Variants in NFYB observed in about 807,000 individuals in gnomAD.
NFYB encodes the protein nuclear transcription factor Y subunit beta.
NFYB carries 13 observed loss-of-function variants against 28.0 expected under a neutral mutation model. The observed-to-expected ratio is 0.46, with a 90% CI of 0.30 to 0.74. The LOEUF is 0.74. Ranked by LOEUF, NFYB falls within the 30% of genes least tolerant of loss-of-function variation. NFYB has a pLI of 0.07. For missense variants in NFYB, 142 were observed against 247.6 expected (o/e 0.57, Z 2.86); for synonymous variants, 74 against 75.0 (o/e 0.99, Z 0.07).
chr12:104,128,049 A>G (rs754479499), intron 3 of NFYB, among the ~76,000 whole-genome samples: 24 of 152,204 alleles, frequency 1.6e-4, no homozygotes, highest in Non-Finnish European at 2.5e-4. Flanking sequence ...AAAATAAATC[A>G]TAAGTGCAAG....
rs2136660431 is a variant in NFYB, at chr12:104,127,707, C to T, written c.100+717G>A. On this transcript the variant is annotated intron_variant, in intron 3 of 7. Coordinates refer to ENST00000240055, the MANE Select transcript of NFYB (RefSeq NM_006166.4). ...TTTGGAGACAGGGTCTCACTTTGCACTTTGTCACCCAGGCTGGAGTGTGCA... is the reference window on the plus strand; with the variant it reads ...TTTGGAGACAGGGTCTCACTTTGCATTTTGTCACCCAGGCTGGAGTGTGCA... 1.7e-5 allele frequency among the ~76,000 whole-genome samples: 2 copies of T among 118,812 alleles called. 1 individual carries two copies. The allele number at this position is 118,812 out of a possible 152,430, so 77.9% of individuals were successfully genotyped here.
At position 104,118,961 on chromosome 12, in the gene NFYB, T is replaced by C. The variant is rs1305632287; in HGVS notation, c.*776A>G. 1 of 152,190 alleles carries C rather than the reference T, an allele frequency of 6.6e-6. No homozygotes were observed. Among genetic ancestry groups the C allele is most frequent in the Non-Finnish European group, 1.5e-5 (1 of 68,028 alleles). The allele number at this position is 152,190 out of a possible 1,614,324, so 9.4% of individuals were successfully genotyped here. A position where few individuals can be genotyped will look rare whatever the true frequency, so the allele number is the denominator to read the frequency against. ...CATGTACCAAATGAAAGGGGCACCATTTCAAGAGCACTAGGACTACATTAA... is the reference window on the plus strand; with the variant it reads ...CATGTACCAAATGAAAGGGGCACCACTTCAAGAGCACTAGGACTACATTAA... On this transcript the variant is annotated 3_prime_UTR_variant, in exon 8 of 8. Coordinates refer to ENST00000240055, the MANE Select transcript of NFYB (RefSeq NM_006166.4).
At chr12:104,128,615 T>C in intron 2 of NFYB, 98 bp from the exon 3 acceptor site, 1 of 703,972 alleles carries the variant, frequency 1.4e-6, no homozygotes, top group Non-Finnish European at 2.5e-6. Flanking sequence ...GCATCAATTA[T>C]ACTTTTCATA....
chr12:104,121,253 T>C lies in NFYB; in HGVS notation c.498A>G (p.Thr166=). Residue 166 remains threonine (T), a synonymous_variant, in exon 6 of 8, where the codon ACA becomes ACG. Coordinates refer to ENST00000240055, the MANE Select transcript of NFYB (RefSeq NM_006166.4). The part of the protein sequence containing the change: ...TATDGLSEEL[T]EEAFTNQLPA... The stretch of plus-strand genomic sequence containing the variant: ...AACAATGCTTACTAAATGCCTCCTC[T>C]GTAAGCTCTTCACTTAGTCCATCTG... 2 of 1,612,334 alleles carry C rather than the reference T, an allele frequency of 1.2e-6. No individual in the cohort carries two copies. Among genetic ancestry groups the C allele is most frequent in the Non-Finnish European group, 8.5e-7 (1 of 1,179,122 alleles).
chr12:104,137,111 T>C (rs992470894), intron 1 of NFYB, among the ~76,000 whole-genome samples: 3 of 152,210 alleles, frequency 2.0e-5, no homozygotes, highest in South Asian at 2.1e-4. Flanking sequence ...CTAAGAGAGA[T>C]GAAACCACCC....
At chr12:104,126,724 G>C (rs2030730661) in intron 3 of NFYB, among the ~76,000 whole-genome samples, 1 of 152,104 alleles carries the variant, frequency 6.6e-6, no homozygotes, top group Admixed American at 6.5e-5. Context: ...TTTATTATAC[G>C]ACTTAGCTAT....
At chr12:104,131,653 T>C in intron 2 of NFYB, 1 of 428,946 alleles carries the variant, frequency 2.3e-6, no homozygotes, top group East Asian at 7.1e-5. Context: ...CCCAAAGGTT[T>C]TTTCTAGGTC....
rs1029882098 is a variant in NFYB, at chr12:104,125,695, A to T, written c.231+419T>A. ...GAAACCCCATTTCTACCAAAAATACAAAATTAGCTGGGCATGGTGGTGCAC... is the reference window on the plus strand; with the variant it reads ...GAAACCCCATTTCTACCAAAAATACTAAATTAGCTGGGCATGGTGGTGCAC... On this transcript the variant is annotated intron_variant, in intron 4 of 7. Transcript: ENST00000240055. 2.0e-5 allele frequency among the ~76,000 whole-genome samples: 3 copies of T among 150,252 alleles called. No individual in the cohort carries two copies. The South Asian group carries it at 6.3e-4, about 32-fold the overall frequency.
In NFYB at chr12:104,123,298, G is replaced by C; in HGVS notation, c.357C>G (p.Leu119=). 1.2e-6 allele frequency: 2 copies of C among 1,614,012 alleles called. No homozygotes were observed. The highest frequency in any genetic ancestry group is 1.7e-6 in the Non-Finnish European group (2 of 1,179,954). Residue 119 remains leucine (L), a synonymous_variant, in exon 5 of 8, where the codon CTC becomes CTG. Coordinates refer to ENST00000240055, the MANE Select transcript of NFYB (RefSeq NM_006166.4). The stretch of plus-strand genomic sequence containing the variant: ...CAAAGCCTAAAGTAGACATAGCAAA[G>C]AGAATATCTTCTCCATTGATTGTTT... ...KRKTINGEDI[L]FAMSTLGFDS...
chr12:104,130,375 C>T (rs1366019985), intron 2 of NFYB, among the ~76,000 whole-genome samples: 3 of 152,108 alleles, frequency 2.0e-5, no homozygotes, highest in East Asian at 3.9e-4. Context: ...TTCAATAACA[C>T]GGCATTTCTT....
chr12:104,121,498 T>C (rs921031079), intron 5 of NFYB, among the ~76,000 whole-genome samples, 177 bp from the exon 6 acceptor site: 9 of 152,244 alleles, frequency 5.9e-5, no homozygotes, highest in African/African-American at 2.2e-4. Context: ...TAACTTTTAA[T>C]ATAAGCTGTA....
chr12:104,124,239 TTTA>T (rs1299161063), intron 4 of NFYB, among the ~76,000 whole-genome samples: 1 of 152,258 alleles, frequency 6.6e-6, no homozygotes, highest in African/African-American at 2.4e-5. Context: ...CTTTGACTTT[TTTA>T]TTATTTGGGA....
At chr12:104,133,856 G>C (rs956452029) in intron 2 of NFYB, among the ~76,000 whole-genome samples, 1 of 152,076 alleles carries the variant, frequency 6.6e-6, no homozygotes, top group African/African-American at 2.4e-5. Context: ...TAAGCATACA[G>C]AAGTACACAG....
At chr12:104,134,358 G>C (rs955627811) in intron 2 of NFYB, among the ~76,000 whole-genome samples, 5 of 152,144 alleles carry the variant, frequency 3.3e-5, no homozygotes, top group African/African-American at 1.2e-4. Context: ...CTGCAACGGG[G>C]AAAGGAGGGA....
At chr12:104,121,599 G>GT (rs1480116630) in intron 5 of NFYB, among the ~76,000 whole-genome samples, 1 of 152,016 alleles carries the variant, frequency 6.6e-6, no homozygotes, top group Non-Finnish European at 1.5e-5. Context: ...ATATCAAAGG[G>GT]GTAACTCTAC....
chr12:104,120,475 G>A lies in NFYB; in HGVS notation c.516C>T (p.Asn172=), dbSNP rs1354216863. The change falls in exon 7 of 8, where the codon AAC becomes AAT. Residue 172 remains asparagine (N), a synonymous_variant. Coordinates refer to ENST00000240055, the MANE Select transcript of NFYB (RefSeq NM_006166.4). Reference sequence around the variant, plus strand: ...TGGTTATTAAGCCAGCTGGTAACTGGTTAGCTAAAAGAAAAAAAATTAGTT... The same window carrying A: ...TGGTTATTAAGCCAGCTGGTAACTGATTAGCTAAAAGAAAAAAAATTAGTT... ...SEELTEEAFT[N]QLPAGLITTD... 3 of 1,613,026 alleles carry A rather than the reference G, an allele frequency of 1.9e-6. No homozygotes were observed. Among genetic ancestry groups the A allele is most frequent in the Non-Finnish European group, 2.5e-6 (3 of 1,179,334 alleles).
intron 1 of NFYB, among the ~76,000 whole-genome samples, chr12:104,137,014 A>G (rs549111263): frequency 6.6e-6 from 1 of 152,276 alleles, no homozygotes; most frequent in African/African-American, 2.4e-5. Flanking sequence ...AACTTTCAAT[A>G]CTTTACAAAT....
At position 104,118,813 on chromosome 12, in the gene NFYB, G is replaced by A. The variant is rs2030357769; in HGVS notation, c.*924C>T. 1 of 152,042 alleles carries A rather than the reference G, an allele frequency of 6.6e-6. No individual in the cohort carries two copies. Among genetic ancestry groups the A allele is most frequent in the South Asian group, 2.1e-4 (1 of 4,828 alleles). 9.4% of individuals were successfully genotyped at this position (152,042 alleles called of 1,614,324 possible). ...TGTCTGATGTTTCTTGGTTTCCATAGTGTAACAGGAAACTTGACATTTCAA... is the reference window on the plus strand; with the variant it reads ...TGTCTGATGTTTCTTGGTTTCCATAATGTAACAGGAAACTTGACATTTCAA... On this transcript the variant is annotated 3_prime_UTR_variant, in exon 8 of 8. Transcript: ENST00000240055.
intron 2 of NFYB, among the ~76,000 whole-genome samples, chr12:104,133,243 C>T (rs1344947468): frequency 6.6e-6 from 1 of 152,182 alleles, no homozygotes; most frequent in Non-Finnish European, 1.5e-5. Flanking sequence ...TGAGGTGACA[C>T]AGTAAATGGG....
Sources: gnomAD v4.1 joint callset for allele counts (sites outside exome capture counted in the v4.1 genomes callset) on GRCh38, gnomAD v4.1.1 for gene constraint, MANE v1.5 for transcripts, NCBI Gene and HGNC (gene_info 2026-07-23, HGNC 2026-07-21) for gene names.